The following MATCAP2 variants were observed in gnomAD, a reference collection of about 807,000 sequenced individuals.
MATCAP2 encodes the protein microtubule associated tyrosine carboxypeptidase 2, also known as putative tyrosine carboxypeptidase MATCAP2.
chr7:36,366,870 G>A, the MATCAP2 span: 5 of 1,492,260 alleles, frequency 3.4e-6, no homozygotes, highest in South Asian at 1.3e-5. Context: ...GCGGGACCCC[G>A]GTCCGCCCCG....
chr7:36,357,525 T>A, the MATCAP2 span: 1 of 1,614,152 alleles, frequency 6.2e-7, no homozygotes, highest in Non-Finnish European at 8.5e-7. Flanking sequence ...TTGTCAATGA[T>A]CAATGAATCT....
chr7:36,386,104 G>A, the MATCAP2 span, among the ~76,000 whole-genome samples: 4 of 151,810 alleles, frequency 2.6e-5, no homozygotes, highest in African/African-American at 4.8e-5. Flanking sequence ...GTAGTCAGCC[G>A]AGATCAGGCC....
chr7:36,350,433 T>A, the MATCAP2 span, among the ~76,000 whole-genome samples: 83 of 152,222 alleles, frequency 5.5e-4, 3 homozygotes, highest in South Asian at 0.017. Context: ...ATGGAGCCTA[T>A]GTGAAATAGA....
the MATCAP2 span, among the ~76,000 whole-genome samples, chr7:36,328,238 G>C: frequency 2.3e-5 from 1 of 42,768 alleles, no homozygotes; most frequent in Non-Finnish European, 6.4e-5. Context: ...TTTTGTTTTT[G>C]TAGGGGGGGG....
chr7:36,353,146 C>T, the MATCAP2 span, among the ~76,000 whole-genome samples: 326 of 152,174 alleles, frequency 2.1e-3, 2 homozygotes, highest in African/African-American at 7.3e-3. Context: ...TGCTGGTGCA[C>T]GCCTGTAAGT....
chr7:36,379,857 G>C, the MATCAP2 span, among the ~76,000 whole-genome samples: 1 of 151,310 alleles, frequency 6.6e-6, no homozygotes, highest in African/African-American at 2.4e-5. Flanking sequence ...CAGAGAGAGA[G>C]AGAGAGAGAG....
the MATCAP2 span, among the ~76,000 whole-genome samples, chr7:36,345,879 T>C: frequency 6.6e-6 from 1 of 152,074 alleles, no homozygotes; most frequent in Admixed American, 6.6e-5. Context: ...CTTCTAAGGA[T>C]ACTATCATAA....
At chr7:36,353,593 G>A in the MATCAP2 span, among the ~76,000 whole-genome samples, 12 of 149,192 alleles carry the variant, frequency 8.0e-5, no homozygotes, top group Non-Finnish European at 5.9e-5. Flanking sequence ...CGATTCTCCT[G>A]CCTTAGCCTC....
the MATCAP2 span, chr7:36,324,232 T>G: frequency 6.6e-6 from 1 of 152,232 alleles, no homozygotes; most frequent in Non-Finnish European, 1.5e-5. Context: ...CTGAGAACCT[T>G]GGCACCGTTT....
chr7:36,383,810 A>G, the MATCAP2 span: 1 of 1,223,088 alleles, frequency 8.2e-7, no homozygotes, highest in Non-Finnish European at 1.2e-6. Flanking sequence ...CTTAAAGTAT[A>G]ATAATAATTT....
At chr7:36,325,986 A>G in the MATCAP2 span, 4 of 151,668 alleles carry the variant, frequency 2.6e-5, no homozygotes, top group African/African-American at 7.3e-5. Flanking sequence ...CCCTTCCCCA[A>G]TTATTTTGTA....
the MATCAP2 span, among the ~76,000 whole-genome samples, chr7:36,382,908 T>C: frequency 6.6e-6 from 1 of 152,244 alleles, no homozygotes; most frequent in Non-Finnish European, 1.5e-5. Context: ...ACTGTGGTCC[T>C]TTAAATATGA....
At chr7:36,338,397 A>G in the MATCAP2 span, among the ~76,000 whole-genome samples, 1 of 152,130 alleles carries the variant, frequency 6.6e-6, no homozygotes, top group African/African-American at 2.4e-5. Flanking sequence ...TCCTGGCCTC[A>G]AGGGATCCTC....
At chr7:36,369,695 C>T in the MATCAP2 span, among the ~76,000 whole-genome samples, 8 of 151,998 alleles carry the variant, frequency 5.3e-5, no homozygotes, top group Non-Finnish European at 8.8e-5. Context: ...TTTTGGAGTA[C>T]ATAACAAAAG....
the MATCAP2 span, chr7:36,357,711 G>GA: frequency 4.2e-6 from 3 of 713,088 alleles, no homozygotes; most frequent in Middle Eastern, 4.0e-4. Flanking sequence ...GTAATCATTA[G>GA]AAAAAAACAT....
the MATCAP2 span, chr7:36,355,153 C>A: frequency 1.1e-4 from 16 of 152,232 alleles, no homozygotes; most frequent in South Asian, 2.1e-4. Context: ...TCCACACACA[C>A]AAAAAACCAC....
chr7:36,389,769 AGCGCAGGGGCGGGGAGAGGGCGCCCC>A, the MATCAP2 span: 2 of 492,462 alleles, frequency 4.1e-6, no homozygotes, highest in Non-Finnish European at 3.3e-6. Flanking sequence ...CACGTGACCG[AGCGCAGGGGCGGGGAGAGGGCGCCCC>A]GGCTCCGCCC....
At chr7:36,358,457 T>C in the MATCAP2 span, among the ~76,000 whole-genome samples, 1 of 152,226 alleles carries the variant, frequency 6.6e-6, no homozygotes, top group African/African-American at 2.4e-5. Context: ...TTCATAATTC[T>C]AAGCTGTACG....
At chr7:36,357,147 A>G in the MATCAP2 span, 5 of 1,614,058 alleles carry the variant, frequency 3.1e-6, no homozygotes, top group Non-Finnish European at 4.2e-6. Context: ...AAATGGCACC[A>G]CTTGACCTTG....
Sources: gnomAD v4.1 joint callset for allele counts (sites outside exome capture counted in the v4.1 genomes callset) on GRCh38, gnomAD v4.1.1 for gene constraint, MANE v1.5 for transcripts, NCBI Gene and HGNC (gene_info 2026-07-23, HGNC 2026-07-21) for gene names.